The following DOCK1 variants were observed in gnomAD, a reference collection of about 807,000 sequenced individuals.
DOCK1 encodes the protein dedicator of cytokinesis 1.
In DOCK1, 138 loss-of-function variants were observed where a neutral mutation model predicts 262.7. The observed-to-expected ratio is 0.53, with a 90% CI of 0.46 to 0.61. The LOEUF (loss-of-function observed/expected upper bound fraction) is 0.61, where lower values mean the gene tolerates loss of function less well. DOCK1 is among the 20% of genes least tolerant of loss of function. The pLI, the probability that DOCK1 is intolerant of heterozygous loss-of-function variation, is 0.00. For missense variants in DOCK1, 1,908 were observed against 2,370.7 expected (o/e 0.80, Z 4.05); for synonymous variants, 866 against 867.4 (o/e 1.00, Z 0.03).
At chr10:127,110,472 T>C (rs2048799018) in intron 25 of DOCK1, 118 bp downstream of exon 25, 1 of 851,464 alleles carries the variant, frequency 1.2e-6, no homozygotes, top group Non-Finnish European at 1.9e-6. Context: ...TTAAAACTGC[T>C]GTATTACAAG....
chr10:127,447,031 G>A (rs1363014326), intron 50 of DOCK1, among the ~76,000 whole-genome samples: 10 of 152,182 alleles, frequency 6.6e-5, no homozygotes, highest in Non-Finnish European at 1.2e-4. Flanking sequence ...CAGCAGCAGC[G>A]GAGACGGTCC....
At chr10:127,388,114 C>T (rs1349334772) in intron 38 of DOCK1, among the ~76,000 whole-genome samples, 1 of 152,002 alleles carries the variant, frequency 6.6e-6, no homozygotes. Context: ...TGAGAAAGCC[C>T]TCCTTAGAAA....
At chr10:127,076,204 C>A (rs145958760) in intron 23 of DOCK1, among the ~76,000 whole-genome samples, 1 of 152,276 alleles carries the variant, frequency 6.6e-6, no homozygotes, top group East Asian at 1.9e-4. Flanking sequence ...CAGCAAAGAT[C>A]CATTAAGAAA....
chr10:127,250,058 C>T (rs1034168068), intron 28 of DOCK1, among the ~76,000 whole-genome samples: 5 of 152,114 alleles, frequency 3.3e-5, no homozygotes, highest in African/African-American at 1.2e-4. Flanking sequence ...TACACCCGAC[C>T]CCCTGCTTTG....
At chr10:127,288,007 G>A (rs944652995) in intron 29 of DOCK1, among the ~76,000 whole-genome samples, 2 of 152,152 alleles carry the variant, frequency 1.3e-5, no homozygotes, top group Admixed American at 1.3e-4. Flanking sequence ...TACCCTGAGA[G>A]TGTTTATTAA....
intron 27 of DOCK1, among the ~76,000 whole-genome samples, chr10:127,206,125 ATTC>A (rs1241084302): frequency 7.5e-6 from 1 of 133,960 alleles, no homozygotes; most frequent in African/African-American, 2.7e-5. Context: ...TCTACCATAT[ATTC>A]TTCTTCTCTT....
intron 1 of DOCK1, among the ~76,000 whole-genome samples, chr10:126,950,780 G>A (rs1292543354): frequency 1.3e-5 from 2 of 152,118 alleles, no homozygotes; most frequent in African/African-American, 4.8e-5. Flanking sequence ...AATATGGGAT[G>A]ATGTGAGGAA....
intron 1 of DOCK1, among the ~76,000 whole-genome samples, chr10:126,930,063 C>A (rs1340539895): frequency 6.6e-6 from 1 of 152,212 alleles, no homozygotes; most frequent in Non-Finnish European, 1.5e-5. Context: ...GCAGATCCCA[C>A]GTGTGTGGTC....
At chr10:127,088,788 A>C (rs571689383) in intron 23 of DOCK1, among the ~76,000 whole-genome samples, 15 of 152,244 alleles carry the variant, frequency 9.9e-5, no homozygotes. Context: ...CAGTTGGTGT[A>C]TGACTGCGCC....
chr10:126,951,628 G>GT (rs2036256257), intron 1 of DOCK1, among the ~76,000 whole-genome samples: 4 of 117,088 alleles, frequency 3.4e-5, no homozygotes, highest in East Asian at 4.4e-4. Flanking sequence ...GGTATTGTTG[G>GT]TGGTAGTATT....
At chr10:127,402,749 A>C (rs1268126539) in intron 38 of DOCK1, 3 of 559,866 alleles carry the variant, frequency 5.4e-6, no homozygotes, top group Admixed American at 3.8e-5. Context: ...GCTTCGGGCC[A>C]CAGCTGGCAG....
rs116029023 is a variant in DOCK1, at chr10:127,418,343, G to A, written c.4516-22G>A. Reference sequence around the variant, plus strand: ...TGGAGGCAGCTGTGGGGCTGACATCGGGCTCTCCTCTCTCTTTGCAGGTGG... The same window carrying A: ...TGGAGGCAGCTGTGGGGCTGACATCAGGCTCTCCTCTCTCTTTGCAGGTGG... On this transcript the variant is annotated intron_variant, in intron 44 of 51. Transcript: ENST00000623213. 1,880 of 1,591,188 alleles carry A rather than the reference G, an allele frequency of 1.2e-3. 19 individuals are homozygous for A. In the African/African-American group the frequency reaches 0.022, roughly 19 times the overall value.
In DOCK1 at chr10:127,099,668, G is replaced by C. The variant is rs917329405; in HGVS notation, c.2446-6563G>C. ...TGAACTAATAGAGCGGGAACTCACT[G>C]GTTACTGCGAGGAAGGTATCAAGCC... is the stretch of plus-strand genomic sequence containing the variant. On this transcript the variant is annotated intron_variant, in intron 23 of 51. Coordinates refer to ENST00000623213, the MANE Select transcript of DOCK1 (RefSeq NM_001290223.2). 6.6e-5 allele frequency among the ~76,000 whole-genome samples: 10 copies of C among 152,108 alleles called. 1 individual carries two copies. Among genetic ancestry groups the C allele is most frequent in the African/African-American group, 1.9e-4 (8 of 41,420 alleles).
chr10:127,225,246 A>C (rs2058592923), intron 27 of DOCK1, among the ~76,000 whole-genome samples: 1 of 152,242 alleles, frequency 6.6e-6, no homozygotes, highest in African/African-American at 2.4e-5. Context: ...ATATATATTT[A>C]TGTTTTATTG....
At chr10:127,237,141 C>G (rs1464389543) in intron 27 of DOCK1, among the ~76,000 whole-genome samples, 2 of 151,946 alleles carry the variant, frequency 1.3e-5, no homozygotes, top group African/African-American at 4.8e-5. Flanking sequence ...GGCAGATCAC[C>G]TGAGGTCTGG....
intron 30 of DOCK1, among the ~76,000 whole-genome samples, chr10:127,342,083 TTGCTGTTGTTGTTGCTGCTGCTGCTGC>T (rs1270238317): frequency 6.8e-6 from 1 of 147,154 alleles, no homozygotes; most frequent in Non-Finnish European, 1.5e-5. Context: ...GCTGTTGCTG[TTGCTGTTGTTGTTGCTGCTGCTGCTGC>T]TGCTGTTGTT....
rs535397569 is a variant in DOCK1 at position 126,905,523 on chromosome 10, G to A, written c.6G>A (p.Thr2=). The change falls in exon 1 of 52, where the codon ACG becomes ACA. Residue 2 remains threonine, a synonymous_variant. Coordinates refer to ENST00000623213, the MANE Select transcript of DOCK1 (RefSeq NM_001290223.2). M[T]RWVPTKREEK... ...GCGGCGGCTCCGGCGGCGCCATGAC[G>A]CGCTGGGTGCCCACCAAGCGCGAGG... The A allele has an allele frequency of 3.8e-6, 2 of 529,274 alleles. No individual in the cohort carries two copies. The highest frequency in any genetic ancestry group is 3.6e-5 in the East Asian group (1 of 28,074). 32.8% of individuals were successfully genotyped at this position (529,274 alleles called of 1,614,324 possible). A position where few individuals can be genotyped will look rare whatever the true frequency, so the allele number is the denominator to read the frequency against.
chr10:127,165,969 G>C (rs2054035448), intron 27 of DOCK1, among the ~76,000 whole-genome samples: 1 of 152,210 alleles, frequency 6.6e-6, no homozygotes, highest in South Asian at 2.1e-4. Flanking sequence ...AGGCCTGGGA[G>C]GGTAGGAGCT....
At chr10:126,992,325 A>T (rs1319486889) in intron 6 of DOCK1, among the ~76,000 whole-genome samples, 1 of 152,188 alleles carries the variant, frequency 6.6e-6, no homozygotes, top group Non-Finnish European at 1.5e-5. Flanking sequence ...TCATGGAAAA[A>T]TCTAGTTAAG....
Sources: gnomAD v4.1 joint callset for allele counts (sites outside exome capture counted in the v4.1 genomes callset) on GRCh38, gnomAD v4.1.1 for gene constraint, MANE v1.5 for transcripts, NCBI Gene and HGNC (gene_info 2026-07-23, HGNC 2026-07-21) for gene names.